Variants in PLPPR1 observed in about 807,000 individuals in gnomAD.
PLPPR1 encodes phospholipid phosphatase-related protein type 1.
Under a neutral mutation model 33.1 loss-of-function variants are expected in PLPPR1, and 10 were observed. The observed-to-expected ratio is 0.30, with a 90% CI of 0.19 to 0.51. The LOEUF (loss-of-function observed/expected upper bound fraction) is 0.51, where lower values mean the gene tolerates loss of function less well. Ranked by LOEUF, PLPPR1 falls within the 20% of genes least tolerant of loss-of-function variation. The probability of loss-of-function intolerance (pLI) is 0.97; values close to 1 mark genes in which losing one functional copy is unlikely to be tolerated. For missense variants in PLPPR1, 304 were observed against 408.1 expected (o/e 0.74, Z 2.20); for synonymous variants, 151 against 151.0 (o/e 1.00, Z 0.00).
intron 2 of PLPPR1, among the ~76,000 whole-genome samples, chr9:101,269,576 T>TC (rs1768427894): frequency 6.6e-6 from 1 of 152,210 alleles, no homozygotes. Flanking sequence ...GTGCCTTGGT[T>TC]CCCGTGCATA....
chr9:101,278,598 A>G (rs1272497586), intron 3 of PLPPR1, among the ~76,000 whole-genome samples: 1 of 152,194 alleles, frequency 6.6e-6, no homozygotes, highest in Non-Finnish European at 1.5e-5. Flanking sequence ...GGGGTGTGAG[A>G]ACAGGACTTT....
intron 1 of PLPPR1, among the ~76,000 whole-genome samples, chr9:101,141,451 T>C (rs1168811358): frequency 1.3e-5 from 2 of 152,204 alleles, no homozygotes; most frequent in Admixed American, 1.3e-4. Context: ...AGAGATTAAG[T>C]ACTTTGCCAA....
chr9:101,031,449 C>A (rs1829943568), intron 1 of PLPPR1, among the ~76,000 whole-genome samples: 1 of 152,142 alleles, frequency 6.6e-6, no homozygotes, highest in African/African-American at 2.4e-5. Context: ...AAATAGAAAG[C>A]AGGATGGTTC....
intron 3 of PLPPR1, 71 bp from the exon 4 acceptor site, chr9:101,286,033 T>C: frequency 1.5e-6 from 2 of 1,313,504 alleles, no homozygotes; most frequent in Non-Finnish European, 2.1e-6. Context: ...TTTTGTTTTG[T>C]TTTTAAAGCC....
rs770485915 is a variant in PLPPR1 at position 101,309,284 on chromosome 9, G to A, written c.459G>A (p.Thr153=). The part of the protein sequence containing the change: ...NAGQVVTGHL[T]PYFLTVCKPN... Reference sequence around the variant, plus strand: ...GACAAGTGGTCACTGGGCACTTAACGCCATACTTCCTGACTGTGTGCAAGC... The same window carrying A: ...GACAAGTGGTCACTGGGCACTTAACACCATACTTCCTGACTGTGTGCAAGC... The change falls in exon 5 of 8, where the codon ACG becomes ACA. Residue 153 remains threonine (T), a synonymous_variant. Transcript: ENST00000374874. The A allele has an allele frequency of 6.2e-6, 10 of 1,614,102 alleles. No individual in the cohort carries two copies. In the Admixed American group the frequency reaches 6.7e-5, roughly 11 times the overall value.
chr9:101,288,904 G>A (rs963328639), intron 4 of PLPPR1, among the ~76,000 whole-genome samples: 8 of 152,122 alleles, frequency 5.3e-5, no homozygotes, highest in Non-Finnish European at 1.2e-4. Context: ...TCTATTGACC[G>A]TTTTGTAGCT....
At chr9:101,066,748 A>C (rs180733566) in intron 1 of PLPPR1, among the ~76,000 whole-genome samples, 200 of 152,056 alleles carry the variant, frequency 1.3e-3, no homozygotes, top group Non-Finnish European at 2.2e-3. Context: ...AGGTGTTCCA[A>C]ACTCATCTTG....
chr9:101,111,921 C>T (rs1027512537), intron 1 of PLPPR1, among the ~76,000 whole-genome samples: 3 of 152,080 alleles, frequency 2.0e-5, no homozygotes, highest in Non-Finnish European at 4.4e-5. Context: ...AAAATGTATT[C>T]GCTCAAATAC....
intron 1 of PLPPR1, among the ~76,000 whole-genome samples, chr9:101,143,721 C>T (rs1031520728): frequency 3.3e-5 from 5 of 152,096 alleles, no homozygotes; most frequent in African/African-American, 1.2e-4. Context: ...AAATCAAAAC[C>T]ACAATGAGAT....
At chr9:101,127,981 C>A (rs1330569000) in intron 1 of PLPPR1, among the ~76,000 whole-genome samples, 2 of 152,100 alleles carry the variant, frequency 1.3e-5, no homozygotes, top group Admixed American at 6.5e-5. Flanking sequence ...AGATATTGGG[C>A]TGTGTAGGTG....
intron 1 of PLPPR1, among the ~76,000 whole-genome samples, chr9:101,043,169 C>T (rs1213122971): frequency 6.6e-6 from 1 of 151,894 alleles, no homozygotes; most frequent in Non-Finnish European, 1.5e-5. Flanking sequence ...TTTGTTTTTC[C>T]ATTCCTGAGT....
intron 1 of PLPPR1, among the ~76,000 whole-genome samples, chr9:101,107,914 A>T (rs1226087335): frequency 6.6e-6 from 1 of 151,164 alleles, no homozygotes; most frequent in Non-Finnish European, 1.5e-5. Context: ...CCGATTTTCC[A>T]GGTGCGTTCG....
chr9:101,182,844 C>T (rs1826138784), intron 1 of PLPPR1, among the ~76,000 whole-genome samples: 2 of 151,674 alleles, frequency 1.3e-5, no homozygotes, highest in Non-Finnish European at 3.0e-5. Flanking sequence ...TTTGAATAGA[C>T]ACTTCACAAA....
At chr9:101,234,605 G>GAT (rs1234641102) in intron 2 of PLPPR1, among the ~76,000 whole-genome samples, 2 of 151,734 alleles carry the variant, frequency 1.3e-5, no homozygotes, top group African/African-American at 4.8e-5. Context: ...CTTAAGTTGA[G>GAT]ATATATATCT....
Position 101,168,610 on chromosome 9 carries a change from A to G in PLPPR1, c.-45-16840A>G, listed in dbSNP as rs149328841. Among the ~76,000 whole-genome samples, 376 of 152,202 alleles carry G rather than the reference A, an allele frequency of 2.5e-3. 10 individuals carry two copies. The highest frequency in any genetic ancestry group is 7.9e-4 in the Non-Finnish European group (54 of 67,996). On this transcript the variant is annotated intron_variant, in intron 1 of 7. Transcript: ENST00000374874. ...CTAGGTTGTAAGCTACCTGCTGTCA[A>G]TGACTGCTTGACTCACATTTGCATG...
Position 101,059,761 on chromosome 9 carries a change from A to G in PLPPR1, c.-46+30659A>G, listed in dbSNP as rs549142162. 3.3e-5 allele frequency among the ~76,000 whole-genome samples: 5 copies of G among 152,192 alleles called. No individual in the cohort carries two copies. The South Asian group carries it at 1.0e-3, about 32-fold the overall frequency. On this transcript the variant is annotated intron_variant, in intron 1 of 7. Coordinates refer to ENST00000374874, the MANE Select transcript of PLPPR1 (RefSeq NM_207299.2). ...CAAAGCAAAGAGAATTAAAACCACA[A>G]TGAAGTATCACCTCACACCTGTTAG...
intron 1 of PLPPR1, among the ~76,000 whole-genome samples, chr9:101,112,018 G>C (rs747581199): frequency 2.0e-5 from 3 of 152,174 alleles, no homozygotes; most frequent in Non-Finnish European, 4.4e-5. Flanking sequence ...ACAAATTGAA[G>C]TTCAGAGGAT....
chr9:101,060,957 CA>C (rs1467191948), intron 1 of PLPPR1, among the ~76,000 whole-genome samples: 1 of 151,804 alleles, frequency 6.6e-6, no homozygotes, highest in African/African-American at 2.4e-5. Flanking sequence ...TTTACCAAAC[CA>C]AACTCTGAAC....
intron 4 of PLPPR1, among the ~76,000 whole-genome samples, chr9:101,296,100 T>A (rs1434090205): frequency 2.0e-5 from 3 of 151,810 alleles, no homozygotes; most frequent in African/African-American, 7.3e-5. Context: ...TCAAACAAAT[T>A]TACAAGAAAA....
Sources: gnomAD v4.1 joint callset for allele counts (sites outside exome capture counted in the v4.1 genomes callset) on GRCh38, gnomAD v4.1.1 for gene constraint, MANE v1.5 for transcripts, NCBI Gene and HGNC (gene_info 2026-07-23, HGNC 2026-07-21) for gene names.